ANKRD50: variants seen among roughly 807,000 people sequenced by gnomAD.
The protein encoded by ANKRD50 is ankyrin repeat domain 50, also known as ankyrin repeat domain-containing protein 50.
ANKRD50 carries 40 observed loss-of-function variants against 112.0 expected under a neutral mutation model. The ratio of observed to expected loss-of-function variants is 0.36; its 90% CI spans 0.28 to 0.46. The LOEUF is 0.46. ANKRD50 is among the 20% of genes least tolerant of loss of function. The pLI, the probability that ANKRD50 is intolerant of heterozygous loss-of-function variation, is 1.00. For missense variants in ANKRD50, 1,487 were observed against 1,701.7 expected, an observed-to-expected ratio of 0.87 and a Z score of 2.22; for synonymous variants, 613 against 619.1, an observed-to-expected ratio of 0.99 and a Z score of 0.15.
chr4:124,709,730 C>T (rs1361152868), intron 2 of ANKRD50, among the ~76,000 whole-genome samples: 1 of 151,964 alleles, frequency 6.6e-6, no homozygotes, highest in Non-Finnish European at 1.5e-5. Context: ...ATTTCCCTTA[C>T]CATTTATAGG....
intron 2 of ANKRD50, among the ~76,000 whole-genome samples, chr4:124,699,673 A>T (rs1400619693): frequency 6.6e-6 from 1 of 152,128 alleles, no homozygotes; most frequent in Admixed American, 6.6e-5. Flanking sequence ...ATAAAAATTA[A>T]TTTCAATGTA....
chr4:124,688,693 T>C (rs1725062633), intron 2 of ANKRD50, among the ~76,000 whole-genome samples: 1 of 152,106 alleles, frequency 6.6e-6, no homozygotes, highest in Non-Finnish European at 1.5e-5. Context: ...TATTCTGAGG[T>C]TCTTCTGAAC....
intron 2 of ANKRD50, among the ~76,000 whole-genome samples, chr4:124,683,089 G>GTA (rs1724929978): frequency 6.6e-6 from 1 of 151,188 alleles, no homozygotes; most frequent in Non-Finnish European, 1.5e-5. Flanking sequence ...CACACATAAT[G>GTA]TATATATATA....
chr4:124,709,122 A>G (rs1212009537), intron 2 of ANKRD50, among the ~76,000 whole-genome samples: 1 of 151,558 alleles, frequency 6.6e-6, no homozygotes, highest in Non-Finnish European at 1.5e-5. Context: ...TGGAGAACAA[A>G]CTTTTGCCCG....
At chr4:124,681,368 G>A (rs1284082306) in intron 2 of ANKRD50, among the ~76,000 whole-genome samples, 2 of 152,114 alleles carry the variant, frequency 1.3e-5, no homozygotes, top group Non-Finnish European at 2.9e-5. Context: ...GGTAAGAAAG[G>A]GATTCAAGTC....
intron 2 of ANKRD50, among the ~76,000 whole-genome samples, chr4:124,693,365 A>G (rs1290239217): frequency 1.3e-5 from 2 of 152,186 alleles, no homozygotes; most frequent in African/African-American, 4.8e-5. Flanking sequence ...TTATCTCAAT[A>G]CTGAAATTCC....
Position 124,710,325 on chromosome 4 carries a change from C to A in ANKRD50, c.187G>T (p.Gly63Cys). Residue 63 changes from glycine to cysteine, a missense_variant, in exon 2 of 5, where the codon GGT becomes TGT. Coordinates refer to ENST00000504087, the MANE Select transcript of ANKRD50 (RefSeq NM_020337.3). ...CAGGCAGCTCCCTTTCCAGAGACAC[C>A]ACTAGCATTATTCCCAGAATTCATT... is the stretch of plus-strand genomic sequence containing the variant. ...LVMNSGNNAS[G>C]VSGKGAAWGV... is the part of the protein sequence containing the mutation. 1 of 1,614,160 alleles carries A rather than the reference C, an allele frequency of 6.2e-7. No homozygotes were observed. Among genetic ancestry groups the A allele is most frequent in the Non-Finnish European group, 8.5e-7 (1 of 1,180,026 alleles).
chr4:124,691,249 T>A (rs1725128234), intron 2 of ANKRD50, among the ~76,000 whole-genome samples: 2 of 151,982 alleles, frequency 1.3e-5, no homozygotes, highest in African/African-American at 4.8e-5. Flanking sequence ...TCCCAGCACT[T>A]TGGGAGGCCG....
Position 124,670,199 on chromosome 4 carries a change from T to A in ANKRD50, c.3078A>T (p.Lys1026Asn). ...LQSAAWQGHVKVVQLLIEHGA... is the reference protein window; with the variant it reads ...LQSAAWQGHVNVVQLLIEHGA... Reference sequence around the variant, plus strand: ...CATGCTCAATCAGAAGCTGAACCACTTTTACATGGCCCTGCCAGGCTGCAG... The same window carrying A: ...CATGCTCAATCAGAAGCTGAACCACATTTACATGGCCCTGCCAGGCTGCAG... The change falls in exon 4 of 5, where the codon AAA becomes AAT. Residue 1026 changes from lysine to asparagine, a missense_variant. Lys to Asn is a moderately conservative substitution (Grantham distance 94). This residue lies in a region of ANKRD50 where 1,046 missense variants were observed against 1,269.5 expected (regional missense o/e 0.82). Coordinates refer to ENST00000504087, the MANE Select transcript of ANKRD50 (RefSeq NM_020337.3). 1 of 1,612,794 alleles carries A rather than the reference T, an allele frequency of 6.2e-7. No homozygotes were observed. The highest frequency in any genetic ancestry group is 8.5e-7 in the Non-Finnish European group (1 of 1,179,610).
chr4:124,702,687 T>C (rs922914880), intron 2 of ANKRD50, among the ~76,000 whole-genome samples: 2 of 152,186 alleles, frequency 1.3e-5, no homozygotes, highest in Non-Finnish European at 1.5e-5. Context: ...CTTCCTATTA[T>C]ATGCTTTATC....
At chr4:124,700,645 T>G (rs1324582063) in intron 2 of ANKRD50, among the ~76,000 whole-genome samples, 3 of 152,216 alleles carry the variant, frequency 2.0e-5, no homozygotes, top group African/African-American at 7.2e-5. Context: ...ATTTAACTTC[T>G]GTATCGTTAG....
rs535841528 is a variant in ANKRD50, at chr4:124,710,377, A to G, written c.135T>C (p.Asn45=). ...HCLQEKSNCC[N]SAVNAPSLVM... Reference sequence around the variant, plus strand: ...CAAGTGATGGTGCATTGACAGCACTATTGCAGCAGTTACTTTTCTCCTGGA... The same window carrying G: ...CAAGTGATGGTGCATTGACAGCACTGTTGCAGCAGTTACTTTTCTCCTGGA... Residue 45 remains asparagine, a synonymous_variant, in exon 2 of 5, where the codon AAT becomes AAC. Transcript: ENST00000504087. 1 of 1,614,214 alleles carries G rather than the reference A, an allele frequency of 6.2e-7. No homozygotes were observed. Among genetic ancestry groups the G allele is most frequent in the Admixed American group, 1.7e-5 (1 of 60,032 alleles).
intron 2 of ANKRD50, among the ~76,000 whole-genome samples, chr4:124,686,843 G>A (rs1364905867): frequency 6.6e-6 from 1 of 151,996 alleles, no homozygotes; most frequent in African/African-American, 2.4e-5. Flanking sequence ...TGAGGTCAGA[G>A]GTGCACTGAG....
rs926827176 is a variant in ANKRD50 at position 124,705,589 on chromosome 4, C to A, written c.512+4411G>T. Among the ~76,000 whole-genome samples the A allele has an allele frequency of 2.6e-5, 4 of 152,240 alleles. No individual in the cohort carries two copies. The East Asian group carries it at 5.8e-4, about 22-fold the overall frequency. On this transcript the variant is annotated intron_variant, in intron 2 of 4. Coordinates refer to ENST00000504087, the MANE Select transcript of ANKRD50 (RefSeq NM_020337.3). ...ACCATATCCTTTTAAATCTCCAAAA[C>A]GATTTCTGTTCAAAGTCCAGAAAGG...
At chr4:124,687,486 T>A (rs974327867) in intron 2 of ANKRD50, among the ~76,000 whole-genome samples, 10 of 151,934 alleles carry the variant, frequency 6.6e-5, no homozygotes, top group African/African-American at 2.4e-4. Flanking sequence ...TTTAGACACT[T>A]CACCAAAAGC....
intron 2 of ANKRD50, among the ~76,000 whole-genome samples, chr4:124,690,791 T>TA (rs1486889331): frequency 6.6e-6 from 1 of 152,170 alleles, no homozygotes; most frequent in Non-Finnish European, 1.5e-5. Flanking sequence ...AGTACAATTA[T>TA]ATTTCTTTAA....
chr4:124,694,696 C>T (rs2110521823), intron 2 of ANKRD50, among the ~76,000 whole-genome samples: 1 of 152,242 alleles, frequency 6.6e-6, no homozygotes, highest in South Asian at 2.1e-4. Context: ...GGAACTGAAC[C>T]TAAAAAGATC....
At chr4:124,697,909 A>G (rs1180891093) in intron 2 of ANKRD50, among the ~76,000 whole-genome samples, 1 of 152,178 alleles carries the variant, frequency 6.6e-6, no homozygotes, top group Non-Finnish European at 1.5e-5. Context: ...AATTGAATTT[A>G]GCAACATGGA....
In ANKRD50 at chr4:124,666,064, GA is replaced by G. The variant is rs1332642729; in HGVS notation, c.*1453del. On this transcript the variant is annotated 3_prime_UTR_variant, in exon 5 of 5. Transcript: ENST00000504087. ...ATTCCTCATCAACAGTACATGAAAA[GA>G]ACAGAATTTCTGGGTTCTATAAGAT... is the stretch of plus-strand genomic sequence containing the variant. 2.0e-5 allele frequency: 3 copies of G among 151,942 alleles called. No homozygotes were observed. Among genetic ancestry groups the G allele is most frequent in the Non-Finnish European group, 1.5e-5 (1 of 67,894 alleles). The allele number at this position is 151,942 out of a possible 1,614,324, so 9.4% of individuals were successfully genotyped here.
Sources: allele counts gnomAD v4.1 joint callset (sites outside exome capture counted in the v4.1 genomes callset), GRCh38; gene constraint gnomAD v4.1.1; regional missense constraint gnomAD v4.1.1; transcripts MANE v1.5; gene names NCBI Gene and HGNC (gene_info 2026-07-23, HGNC 2026-07-21).